Variants in SCEL observed in about 807,000 individuals in gnomAD.
The protein encoded by SCEL is sciellin.
Under a neutral mutation model 117.6 loss-of-function variants are expected in SCEL, and 113 were observed. The observed-to-expected ratio is 0.96, with a 90% CI of 0.83 to 1.12. The LOEUF (loss-of-function observed/expected upper bound fraction) is 1.12, where lower values mean the gene tolerates loss of function less well. Ranked by LOEUF, SCEL falls within the 50% of genes most tolerant of loss-of-function variation. The probability of loss-of-function intolerance (pLI) is 0.00; values close to 1 mark genes in which losing one functional copy is unlikely to be tolerated. For missense variants in SCEL, 785 were observed against 810.8 expected (o/e 0.97, Z 0.39); for synonymous variants, 270 against 256.2 (o/e 1.05, Z -0.51).
At chr13:77,618,120 C>T in intron 27 of SCEL, 60 bp downstream of exon 27, 1 of 1,282,440 alleles carries the variant, frequency 7.8e-7, no homozygotes, top group South Asian at 1.2e-5. Flanking sequence ...ACTTCTCCCT[C>T]CCTCCTTGCC....
intron 11 of SCEL, among the ~76,000 whole-genome samples, 178 bp from the exon 12 acceptor site, chr13:77,593,336 T>TGC (rs2087029617): frequency 6.7e-6 from 1 of 150,312 alleles, no homozygotes; most frequent in African/African-American, 2.4e-5. Context: ...GGGATGTGTG[T>TGC]GTCTCTGTGT....
intron 5 of SCEL, among the ~76,000 whole-genome samples, chr13:77,567,102 T>C (rs1392124042): frequency 1.3e-5 from 2 of 151,344 alleles, no homozygotes; most frequent in Non-Finnish European, 2.9e-5. Context: ...ATAATGAAAA[T>C]GAAAATAGAG....
intron 19 of SCEL, among the ~76,000 whole-genome samples, chr13:77,607,394 T>C (rs2088290407): frequency 6.6e-6 from 1 of 152,204 alleles, no homozygotes; most frequent in Admixed American, 6.5e-5. Context: ...CTGTAAGATA[T>C]TACAGTTGAT....
At chr13:77,567,423 C>T (rs2085350283) in intron 5 of SCEL, among the ~76,000 whole-genome samples, 1 of 152,158 alleles carries the variant, frequency 6.6e-6, no homozygotes, top group Non-Finnish European at 1.5e-5. Context: ...TACTGCACTC[C>T]CGCCTGGGCA....
chr13:77,632,503 C>T (rs897838699), intron 28 of SCEL, among the ~76,000 whole-genome samples: 1 of 152,170 alleles, frequency 6.6e-6, no homozygotes, highest in Non-Finnish European at 1.5e-5. Flanking sequence ...AATTTTAGCT[C>T]ACCTGTATGT....
chr13:77,601,995 T>A, intron 15 of SCEL, 70 bp from the exon 16 acceptor site: 1 of 1,224,346 alleles, frequency 8.2e-7, no homozygotes. Context: ...ATTACGAGAG[T>A]CTGAATATAT....
In SCEL at chr13:77,589,218, A is replaced by G. The variant is rs760803823; in HGVS notation, c.620A>G (p.Asp207Gly). ...TCTTCTCCTAACCAGCTGAGACAGG[A>G]TAATAGGTAAGACCTAGTACTCCAG... is the stretch of plus-strand genomic sequence containing the variant. ...PVSSPNQLRQDNRQIHPPKPG... is the reference protein window; with the variant it reads ...PVSSPNQLRQGNRQIHPPKPG... The change falls in exon 10 of 33, where the codon GAT becomes GGT. Residue 207 changes from aspartate (D) to glycine (G), a missense_variant. By Grantham distance (94) the Asp-to-Gly change is moderately conservative (BLOSUM62 -1). Coordinates refer to ENST00000349847, the MANE Select transcript of SCEL (RefSeq NM_144777.3). 2 of 1,608,280 alleles carry G rather than the reference A, an allele frequency of 1.2e-6. No homozygotes were observed. Among genetic ancestry groups the G allele is most frequent in the Admixed American group, 3.3e-5 (2 of 59,946 alleles).
chr13:77,643,448 AG>A (rs1430407929), intron 32 of SCEL, among the ~76,000 whole-genome samples: 1 of 152,188 alleles, frequency 6.6e-6, no homozygotes, highest in East Asian at 1.9e-4. Flanking sequence ...AACAAGATTA[AG>A]TCCTGTGAAA....
rs564165911 is a variant in SCEL, at chr13:77,581,286, TTTA to T, written c.546-7852_546-7850del. Among the ~76,000 whole-genome samples the T allele has an allele frequency of 2.1e-3, 320 of 152,308 alleles. 1 individual carries two copies. The highest frequency in any genetic ancestry group is 3.0e-3 in the Non-Finnish European group (203 of 68,014). On this transcript the variant is annotated intron_variant, in intron 9 of 32. Transcript: ENST00000349847. ...ATTAAAATATTAGCCTGAGTTTAAG[TTTA>T]TTATTTTTAAAATGTGTTGTTTGAA...
intron 28 of SCEL, among the ~76,000 whole-genome samples, chr13:77,628,977 G>A (rs2089906743): frequency 6.6e-6 from 1 of 152,122 alleles, no homozygotes; most frequent in South Asian, 2.1e-4. Context: ...GAATAGGACT[G>A]GGCTTACATT....
At chr13:77,586,904 G>A (rs528470071) in intron 9 of SCEL, among the ~76,000 whole-genome samples, 6 of 152,240 alleles carry the variant, frequency 3.9e-5, no homozygotes, top group African/African-American at 1.2e-4. Context: ...TAATACTTAT[G>A]TCTGGGATTG....
intron 3 of SCEL, among the ~76,000 whole-genome samples, chr13:77,557,332 A>T (rs1187099616): frequency 6.6e-6 from 1 of 152,210 alleles, no homozygotes; most frequent in Non-Finnish European, 1.5e-5. Flanking sequence ...CATTGGCAAT[A>T]TAGATTTGCA....
At chr13:77,621,721 A>G (rs2089435764) in intron 27 of SCEL, among the ~76,000 whole-genome samples, 4 of 152,182 alleles carry the variant, frequency 2.6e-5, no homozygotes, top group African/African-American at 4.8e-5. Flanking sequence ...ATGCCTTATG[A>G]TAGTCCACTT....
At chr13:77,599,528 A>G (rs2087497064) in intron 14 of SCEL, 140 bp downstream of exon 14, 1 of 873,476 alleles carries the variant, frequency 1.1e-6, no homozygotes, top group Non-Finnish European at 1.9e-6. Context: ...AGCATTGTAC[A>G]TTTAGTTCAG....
At chr13:77,618,129 C>A in intron 27 of SCEL, 69 bp downstream of exon 27, 1 of 1,110,208 alleles carries the variant, frequency 9.0e-7, no homozygotes, top group Non-Finnish European at 1.4e-6. Context: ...TCCCTCCTTG[C>A]CTCCCTGCCT....
At chr13:77,548,642 C>A (rs2084126600) in intron 1 of SCEL, among the ~76,000 whole-genome samples, 1 of 152,142 alleles carries the variant, frequency 6.6e-6, no homozygotes, top group African/African-American at 2.4e-5. Context: ...GTGGGAGGGA[C>A]CTGGTGGGAG....
chr13:77,572,960 C>T (rs1308056303), intron 9 of SCEL, among the ~76,000 whole-genome samples: 1 of 152,128 alleles, frequency 6.6e-6, no homozygotes, highest in African/African-American at 2.4e-5. Context: ...CAGCTGCCTC[C>T]AGGCTGTGCA....
intron 28 of SCEL, among the ~76,000 whole-genome samples, chr13:77,632,073 G>T (rs1169150667): frequency 6.6e-6 from 1 of 152,182 alleles, no homozygotes; most frequent in East Asian, 1.9e-4. Context: ...TTCCAGTTCT[G>T]TGGCATTAAG....
chr13:77,555,379 T>TTCCTGAG (rs1001691308), intron 1 of SCEL, among the ~76,000 whole-genome samples: 9 of 152,194 alleles, frequency 5.9e-5, no homozygotes, highest in African/African-American at 1.9e-4. Context: ...ACACAGCAGT[T>TTCCTGAG]TCCTGAGTTT....
Sources: allele counts gnomAD v4.1 joint callset (sites outside exome capture counted in the v4.1 genomes callset), GRCh38; gene constraint gnomAD v4.1.1; transcripts MANE v1.5; gene names NCBI Gene and HGNC (gene_info 2026-07-23, HGNC 2026-07-21).